The following CADPS variants were observed in gnomAD, a reference collection of about 807,000 sequenced individuals.
The protein encoded by CADPS is calcium dependent secretion activator, also known as calcium-dependent secretion activator 1.
A neutral mutation model predicts 167.3 loss-of-function variants in CADPS; 57 were observed. That is an observed-to-expected ratio of 0.34 (90% confidence interval 0.28 to 0.42). The LOEUF is 0.42. Ranked by LOEUF, CADPS falls within the 20% of genes least tolerant of loss-of-function variation. CADPS has a pLI of 1.00. For missense variants in CADPS, 1,414 were observed against 1,738.1 expected (o/e 0.81, Z 3.32); for synonymous variants, 676 against 635.3 (o/e 1.06, Z -0.96).
intron 13 of CADPS, 120 bp downstream of exon 13, chr3:62,532,747 GTGTA>G (rs1458451676): frequency 1.6e-5 from 10 of 613,032 alleles, no homozygotes; most frequent in African/African-American, 5.9e-5. Context: ...GTGTGTGTGT[GTGTA>G]CGTGTGCACA....
intron 11 of CADPS, among the ~76,000 whole-genome samples, chr3:62,547,812 C>T (rs1236858108): frequency 7.2e-5 from 11 of 152,202 alleles, no homozygotes; most frequent in Non-Finnish European, 1.2e-4. Flanking sequence ...CATGAAGAGA[C>T]ATCTCTTCTT....
chr3:62,493,511 C>T (rs1165484893), intron 19 of CADPS, 134 bp downstream of exon 19: 4 of 595,172 alleles, frequency 6.7e-6, no homozygotes, highest in Admixed American at 3.7e-5. Context: ...TGGAAAAATT[C>T]CATAAATGAA....
chr3:62,625,129 T>C (rs1309798515), intron 6 of CADPS: 1 of 150,076 alleles, frequency 6.7e-6, no homozygotes, highest in East Asian at 1.9e-4. Flanking sequence ...CATGACAAGT[T>C]TACCTATGTA....
rs773931296 is a variant in CADPS at position 62,532,860 on chromosome 3, C to T, written c.2291+11G>A. On this transcript the variant is annotated intron_variant, in intron 13 of 29. Coordinates refer to ENST00000383710, the MANE Select transcript of CADPS (RefSeq NM_003716.4). ...TAAGGATCACCTCTAGACACACGAA[C>T]ACACACTTACCTGTTCCCATGGACA... The T allele has an allele frequency of 1.2e-6, 2 of 1,612,662 alleles. No individual in the cohort carries two copies. Among genetic ancestry groups the T allele is most frequent in the South Asian group, 1.1e-5 (1 of 91,020 alleles).
intron 1 of CADPS, among the ~76,000 whole-genome samples, chr3:62,847,594 C>T (rs2077732711): frequency 3.8e-5 from 1 of 26,570 alleles, no homozygotes; most frequent in Non-Finnish European, 7.3e-5. Context: ...CATGTCCCTA[C>T]AAAGGACATG....
chr3:62,631,888 C>T (rs893295208), intron 6 of CADPS, among the ~76,000 whole-genome samples: 2 of 152,128 alleles, frequency 1.3e-5, no homozygotes, highest in African/African-American at 2.4e-5. Context: ...TAGCAAGTGA[C>T]CTTCAGCCAT....
chr3:62,694,709 G>C (rs1484972818), intron 3 of CADPS, among the ~76,000 whole-genome samples: 1 of 152,058 alleles, frequency 6.6e-6, no homozygotes, highest in African/African-American at 2.4e-5. Flanking sequence ...AGCAAAGTAA[G>C]TGCAGCAACA....
chr3:62,754,491 A>C (rs1282938370), intron 2 of CADPS, among the ~76,000 whole-genome samples: 3 of 152,074 alleles, frequency 2.0e-5, no homozygotes, highest in Non-Finnish European at 4.4e-5. Flanking sequence ...CCCAGAATTT[A>C]ATTTTTTATT....
chr3:62,654,359 A>T (rs1455668641), intron 4 of CADPS, among the ~76,000 whole-genome samples: 2 of 152,152 alleles, frequency 1.3e-5, no homozygotes, highest in Non-Finnish European at 2.9e-5. Flanking sequence ...TGTGATGCAA[A>T]TCCTTCCTGA....
At chr3:62,596,496 C>T (rs1243782132) in intron 6 of CADPS, among the ~76,000 whole-genome samples, 1 of 152,020 alleles carries the variant, frequency 6.6e-6, no homozygotes, top group African/African-American at 2.4e-5. Context: ...CCACACCTGG[C>T]CCAGAGTGCT....
At chr3:62,741,942 A>C (rs1194089726) in intron 3 of CADPS, among the ~76,000 whole-genome samples, 1 of 152,208 alleles carries the variant, frequency 6.6e-6, no homozygotes, top group Non-Finnish European at 1.5e-5. Context: ...GGATACAAAA[A>C]TCAATGTGCA....
At chr3:62,813,421 A>C (rs571315910) in intron 1 of CADPS, among the ~76,000 whole-genome samples, 1 of 120,062 alleles carries the variant, frequency 8.3e-6, no homozygotes, top group East Asian at 2.4e-4. Context: ...TATGCAGAAG[A>C]ACCAAACTGG....
chr3:62,423,524 T>G (rs2051936961), intron 28 of CADPS, among the ~76,000 whole-genome samples: 1 of 152,214 alleles, frequency 6.6e-6, no homozygotes, highest in Admixed American at 6.5e-5. Context: ...CATATTTGAA[T>G]AGTGTAAAGT....
At position 62,438,739 on chromosome 3, in the gene CADPS, GT is replaced by G. The variant is rs2055685930; in HGVS notation, c.3670-529del. On this transcript the variant is annotated intron_variant, in intron 27 of 29. Coordinates refer to ENST00000383710, the MANE Select transcript of CADPS (RefSeq NM_003716.4). The surrounding 1 kb of genome is among the most constrained non-coding windows in gnomAD (Gnocchi z 4.7). ...ATTGTGTGTGTGTGTGTGTGTGTGT[GT>G]GTGTGTGTGTGTGTGTGTATAGCTT... is the stretch of plus-strand genomic sequence containing the variant. 6.5e-6 allele frequency: 1 copy of G among 154,290 alleles called. No individual in the cohort carries two copies. Among genetic ancestry groups the G allele is most frequent in the African/African-American group, 2.4e-5 (1 of 41,306 alleles). The allele number at this position is 154,290 out of a possible 1,614,324, so 9.6% of individuals were successfully genotyped here.
intron 1 of CADPS, among the ~76,000 whole-genome samples, chr3:62,873,181 C>T (rs2082950424): frequency 6.6e-6 from 1 of 152,230 alleles, no homozygotes; most frequent in Non-Finnish European, 1.5e-5. Flanking sequence ...GATATCCAAG[C>T]TCGTGATGGC....
intron 9 of CADPS, among the ~76,000 whole-genome samples, chr3:62,569,447 T>G (rs768279621): frequency 3.9e-5 from 6 of 152,204 alleles, no homozygotes; most frequent in Non-Finnish European, 7.4e-5. Flanking sequence ...AAATGTTCTT[T>G]GCGGCTAAAT....
Position 62,399,402 on chromosome 3 carries a change from T to G in CADPS, c.*4A>C, listed in dbSNP as rs758193371. The G allele has an allele frequency of 3.1e-6, 5 of 1,614,006 alleles. No individual in the cohort carries two copies. The highest frequency in any genetic ancestry group is 4.2e-6 in the Non-Finnish European group (5 of 1,179,876). ...TGTCCCAGCAGACTCTAGGACCAAA[T>G]GGTCTAATCGTCTTCTTCGTCTTCC... On this transcript the variant is annotated 3_prime_UTR_variant, in exon 30 of 30. Coordinates refer to ENST00000383710, the MANE Select transcript of CADPS (RefSeq NM_003716.4). This position sits in a 1 kb window ranked among gnomAD's most constrained non-coding sequence, Gnocchi z 5.6.
chr3:62,441,859 C>T (rs969443452), intron 27 of CADPS, among the ~76,000 whole-genome samples: 1 of 152,120 alleles, frequency 6.6e-6, no homozygotes, highest in African/African-American at 2.4e-5. Context: ...CAAAAGCTCC[C>T]TAGTTTCCAA....
chr3:62,473,097 T>C (rs2060821691), intron 24 of CADPS, among the ~76,000 whole-genome samples: 1 of 151,986 alleles, frequency 6.6e-6, no homozygotes, highest in South Asian at 2.1e-4. Context: ...CTGCCCCAGA[T>C]CATTCATATG....
Sources: gnomAD v4.1 joint callset for allele counts (sites outside exome capture counted in the v4.1 genomes callset) on GRCh38, gnomAD v4.1.1 for gene constraint, Gnocchi (gnomAD v3.1) non-coding constraint, MANE v1.5 for transcripts, NCBI Gene and HGNC (gene_info 2026-07-23, HGNC 2026-07-21) for gene names.